RASSF6: variants seen among roughly 807,000 people sequenced by gnomAD.
RASSF6 encodes Ras association domain family member 6.
Under a neutral mutation model 44.0 loss-of-function variants are expected in RASSF6, and 52 were observed. The ratio of observed to expected loss-of-function variants is 1.18; its 90% CI spans 0.95 to 1.49. The LOEUF is 1.49. Among genes scored for constraint, RASSF6 ranks in the 40% most tolerant of loss-of-function variants. RASSF6 has a pLI of 0.00. For synonymous variants in RASSF6, 162 were observed against 124.6 expected (o/e 1.30, Z -2.00); for missense variants, 464 against 393.3 (o/e 1.18, Z -1.52).
chr4:73,606,878 C>T (rs1725676180), intron 2 of RASSF6, among the ~76,000 whole-genome samples: 1 of 152,142 alleles, frequency 6.6e-6, no homozygotes, highest in Non-Finnish European at 1.5e-5. Flanking sequence ...TAGCGATATG[C>T]CTTTCAGCCC....
intron 1 of RASSF6, among the ~76,000 whole-genome samples, chr4:73,617,367 A>C (rs1422765442): frequency 6.6e-6 from 1 of 152,202 alleles, no homozygotes; most frequent in African/African-American, 2.4e-5. Context: ...AAACGGTCAG[A>C]GAAGCAAATT....
rs1462439959 is a variant in RASSF6, at chr4:73,593,715, GGTT to G, written c.145-125_145-123del. Reference sequence around the variant, plus strand: ...TAAATAGATTAAAAAGAAACGCCAGGGTTGTTGTTTGGCTTTCCAATTTATCTA... The same window carrying G: ...TAAATAGATTAAAAAGAAACGCCAGGGTTGTTTGGCTTTCCAATTTATCTA... On this transcript the variant is annotated intron_variant, in intron 3 of 10. Transcript: ENST00000307439. 9.5e-6 allele frequency: 9 copies of G among 943,244 alleles called. No individual in the cohort carries two copies. The African/African-American group carries it at 1.5e-4, about 16-fold the overall frequency. The allele number at this position is 943,244 out of a possible 1,614,324, so 58.4% of individuals were successfully genotyped here.
At chr4:73,616,433 CAG>C (rs1263421721) in intron 1 of RASSF6, among the ~76,000 whole-genome samples, 2 of 152,024 alleles carry the variant, frequency 1.3e-5, no homozygotes, top group African/African-American at 4.8e-5. Flanking sequence ...TCCTTTAGGA[CAG>C]AATTATTGCT....
At chr4:73,594,067 AAC>A (rs1407951868) in intron 3 of RASSF6, among the ~76,000 whole-genome samples, 1 of 152,258 alleles carries the variant, frequency 6.6e-6, no homozygotes, top group African/African-American at 2.4e-5. Flanking sequence ...CACGTGTGAA[AAC>A]ACGCTGTAAA....
intron 2 of RASSF6, among the ~76,000 whole-genome samples, chr4:73,610,741 C>T (rs1725952633): frequency 6.6e-6 from 1 of 152,192 alleles, no homozygotes; most frequent in Non-Finnish European, 1.5e-5. Flanking sequence ...TTTCCGCTCT[C>T]TATCTCTAGC....
At chr4:73,620,540 C>A (rs766769139), upstream of RASSF6, 2 of 1,435,498 alleles carry the variant, frequency 1.4e-6, no homozygotes, top group African/African-American at 1.4e-5. Context: ...ACGCGATCAG[C>A]GATCCTGGAG....
At position 73,620,422 on chromosome 4, in the gene RASSF6, C is replaced by A. The variant is rs149213974; in HGVS notation, c.-169G>T. 2.6e-4 allele frequency: 404 copies of A among 1,543,476 alleles called. 1 individual carries two copies. In the East Asian group the frequency reaches 7.7e-3, roughly 29 times the overall value. Reference sequence around the variant, plus strand: ...GTGCCCTGTCTCTGCCGGGCTGGGACTCCGCGAGTCACTCACCTGTAGGGG... The same window carrying A: ...GTGCCCTGTCTCTGCCGGGCTGGGAATCCGCGAGTCACTCACCTGTAGGGG... On this transcript the variant is annotated 5_prime_UTR_variant, in exon 1 of 11. Transcript: ENST00000307439.
At chr4:73,611,274 T>C (rs1296044434) in intron 2 of RASSF6, among the ~76,000 whole-genome samples, 1 of 152,176 alleles carries the variant, frequency 6.6e-6, no homozygotes, top group Non-Finnish European at 1.5e-5. Flanking sequence ...TACTGTTTGC[T>C]GCGTACAAGA....
At chr4:73,596,951 A>G (rs1182875497) in intron 3 of RASSF6, among the ~76,000 whole-genome samples, 1 of 152,232 alleles carries the variant, frequency 6.6e-6, no homozygotes, top group East Asian at 1.9e-4. Flanking sequence ...TCCCTTCTTT[A>G]CACCATATAC....
Position 73,583,303 on chromosome 4 carries a change from A to G in RASSF6, c.568-1013T>C, listed in dbSNP as rs116881759. On this transcript the variant is annotated intron_variant, in intron 6 of 10. Coordinates refer to ENST00000307439, the MANE Select transcript of RASSF6 (RefSeq NM_177532.5). ...AAGAGCTCTTCTAAAATGTCAACAT[A>G]TAGTGAATTTGTTTTTCAGAGCAGT... Among the ~76,000 whole-genome samples the G allele has an allele frequency of 1.8e-3, 270 of 152,298 alleles. 3 individuals carry two copies. The highest frequency in any genetic ancestry group is 7.7e-3 in the East Asian group (40 of 5,188).
chr4:73,576,274 A>G lies in RASSF6; in HGVS notation c.975T>C (p.Leu325=), dbSNP rs770369333. 2.1e-5 allele frequency: 33 copies of G among 1,564,252 alleles called. No homozygotes were observed. ...NKEKAIILKC[L]QNKLVIKTET... is the part of the protein sequence containing the mutation. ...CTGTTTTTATTACTAGTTTATTTTG[A>G]AGACATTTCAGTATAATCGCCTTTT... Residue 325 remains leucine (L), a synonymous_variant, in exon 11 of 11, where the codon CTT becomes CTC. Transcript: ENST00000307439.
intron 8 of RASSF6, among the ~76,000 whole-genome samples, chr4:73,577,410 C>T (rs1723308290): frequency 6.6e-6 from 1 of 152,160 alleles, no homozygotes; most frequent in Admixed American, 6.5e-5. Context: ...TCTGGGATTT[C>T]ATTTTTATCA....
Position 73,614,237 on chromosome 4 carries a change from T to C in RASSF6, c.-34-2408A>G, listed in dbSNP as rs73827824. Among the ~76,000 whole-genome samples, 613 of 152,352 alleles carry C rather than the reference T, an allele frequency of 4.0e-3. 2 individuals carry two copies. The highest frequency in any genetic ancestry group is 0.014 in the African/African-American group (575 of 41,584). On this transcript the variant is annotated intron_variant, in intron 1 of 10. Coordinates refer to ENST00000307439, the MANE Select transcript of RASSF6 (RefSeq NM_177532.5). ...CCCTAAGCCAAGCCACCATCATCTT[T>C]TTCCTGGATTATTGCGTCAGCCTAC... is the stretch of plus-strand genomic sequence containing the variant.
chr4:73,588,589 T>G (rs1724281431), intron 4 of RASSF6, among the ~76,000 whole-genome samples: 1 of 152,012 alleles, frequency 6.6e-6, no homozygotes, highest in Admixed American at 6.6e-5. Context: ...ATTTATCTGG[T>G]CTTAAACAAG....
chr4:73,612,455 A>C (rs1726076020), intron 1 of RASSF6, among the ~76,000 whole-genome samples: 1 of 150,618 alleles, frequency 6.6e-6, no homozygotes, highest in Non-Finnish European at 1.5e-5. Flanking sequence ...AGAATAAAAA[A>C]GATGGATGAG....
At chr4:73,584,784 C>G (rs1723945680) in intron 6 of RASSF6, among the ~76,000 whole-genome samples, 1 of 152,074 alleles carries the variant, frequency 6.6e-6, no homozygotes, top group South Asian at 2.1e-4. Flanking sequence ...GTTTTTAATA[C>G]TTGGCACAGT....
At chr4:73,616,773 G>C (rs931847645) in intron 1 of RASSF6, among the ~76,000 whole-genome samples, 1 of 152,180 alleles carries the variant, frequency 6.6e-6, no homozygotes, top group African/African-American at 2.4e-5. Flanking sequence ...TACACACGGA[G>C]AGTCTTTTTA....
At chr4:73,577,020 A>G (rs751960745) in intron 8 of RASSF6, among the ~76,000 whole-genome samples, 20 of 152,316 alleles carry the variant, frequency 1.3e-4, no homozygotes, top group Non-Finnish European at 1.5e-4. Flanking sequence ...ATATGCCTCA[A>G]TAATTATTTA....
At chr4:73,590,374 C>G (rs1221561280) in intron 4 of RASSF6, among the ~76,000 whole-genome samples, 1 of 152,182 alleles carries the variant, frequency 6.6e-6, no homozygotes, top group African/African-American at 2.4e-5. Flanking sequence ...CACGTTTACC[C>G]ACTGCAGATA....
Sources: gnomAD v4.1 joint callset for allele counts (sites outside exome capture counted in the v4.1 genomes callset) on GRCh38, gnomAD v4.1.1 for gene constraint, MANE v1.5 for transcripts, NCBI Gene and HGNC (gene_info 2026-07-23, HGNC 2026-07-21) for gene names.